Variants in PARG observed in about 807,000 individuals in gnomAD.
The protein encoded by PARG is mitochondrial poly(ADP-ribose) glycohydrolase.
Under a neutral mutation model 113.0 loss-of-function variants are expected in PARG, and 35 were observed. The ratio of observed to expected loss-of-function variants is 0.31; its 90% confidence interval spans 0.24 to 0.41. PARG has a LOEUF of 0.41. PARG is among the 10% of genes least tolerant of loss of function. PARG has a pLI of 1.00. For synonymous variants in PARG, 330 were observed against 409.9 expected (o/e 0.81, Z 2.36); for missense variants, 797 against 1,169.4 (o/e 0.68, Z 4.64).
chr10:49,861,969 A>G (rs1588911575), intron 11 of PARG, among the ~76,000 whole-genome samples: 1 of 152,146 alleles, frequency 6.6e-6, no homozygotes, highest in Non-Finnish European at 1.5e-5. Flanking sequence ...ATTAAGATCT[A>G]TGAAATTTTG....
intron 10 of PARG, chr10:49,867,188 G>A (rs1221036318): frequency 1.3e-5 from 2 of 150,058 alleles, no homozygotes; most frequent in Non-Finnish European, 3.0e-5. Flanking sequence ...GCAGGCCTTT[G>A]TGGACCACAC....
At position 49,905,962 on chromosome 10, in the gene PARG, A is replaced by ATG. The variant is rs1848565412; in HGVS notation, c.1737+9954_1737+9955insCA. ...GACTAGTAAATGGTTCATCAACATGAATATCAACTGAACCGAAGTTGCCCA... is the reference window on the plus strand; with the variant it reads ...GACTAGTAAATGGTTCATCAACATGATGATATCAACTGAACCGAAGTTGCCCA... On this transcript the variant is annotated intron_variant, in intron 7 of 17. Coordinates refer to ENST00000616448, the MANE Select transcript of PARG (RefSeq NM_003631.5). Among the ~76,000 whole-genome samples, 6 of 151,058 alleles carry ATG rather than the reference A, an allele frequency of 4.0e-5. No individual in the cohort carries two copies. In the Admixed American group the frequency reaches 4.0e-4, roughly 10 times the overall value.
rs2664672 is a variant in PARG at position 49,925,955 on chromosome 10, T to C, written c.1456-3286A>G. On this transcript the variant is annotated intron_variant, in intron 4 of 17. Transcript: ENST00000616448. ...GGGGCACAAGAGCCTTTATTCCTGA[T>C]GCAAGTCCTGCCCCTGTACCCTTTC... Among the ~76,000 whole-genome samples, 1,231 of 152,334 alleles carry C rather than the reference T, an allele frequency of 8.1e-3. 13 individuals are homozygous for C. The highest frequency in any genetic ancestry group is 0.037 in the South Asian group (178 of 4,832).
intron 15 of PARG, among the ~76,000 whole-genome samples, chr10:49,836,924 A>C (rs557219038): frequency 6.6e-6 from 1 of 152,168 alleles, no homozygotes; most frequent in African/African-American, 2.4e-5. Flanking sequence ...CTAAAATCCT[A>C]CCTAACATGG....
chr10:49,837,397 TAC>T (rs3048454), intron 15 of PARG, among the ~76,000 whole-genome samples: 42,268 of 147,772 alleles, frequency 0.29, 6,166 homozygotes, highest in Non-Finnish European at 0.31. Flanking sequence ...CATGCATATA[TAC>T]ACACACACAC....
At chr10:49,849,326 T>C (rs1204737478) in intron 13 of PARG, among the ~76,000 whole-genome samples, 3 of 152,086 alleles carry the variant, frequency 2.0e-5, no homozygotes, top group African/African-American at 7.2e-5. Context: ...GAGAAAAAAG[T>C]TGAAGGACCC....
chr10:49,820,395 G>A (rs2132335667), intron 16 of PARG, 102 bp from the exon 17 acceptor site: 2 of 788,732 alleles, frequency 2.5e-6, no homozygotes, highest in East Asian at 5.5e-5. Flanking sequence ...CTAGATTAAA[G>A]ATTTATAAAC....
intron 13 of PARG, among the ~76,000 whole-genome samples, chr10:49,849,094 C>T (rs1186443469): frequency 6.6e-6 from 1 of 152,040 alleles, no homozygotes; most frequent in African/African-American, 2.4e-5. Context: ...ACTAGGGAGG[C>T]TGAGGCAGGA....
intron 16 of PARG, among the ~76,000 whole-genome samples, chr10:49,829,255 T>G (rs1052888382): frequency 1.3e-5 from 2 of 151,830 alleles, no homozygotes; most frequent in Non-Finnish European, 2.9e-5. Context: ...AAAAAAAAAT[T>G]TGCCTTCTTT....
At position 49,933,915 on chromosome 10, in the gene PARG, A is replaced by C. The variant is rs1838617268; in HGVS notation, c.533T>G (p.Val178Gly). The C allele has an allele frequency of 2.5e-6, 4 of 1,605,052 alleles. No individual in the cohort carries two copies. The highest frequency in any genetic ancestry group is 1.7e-5 in the Admixed American group (1 of 59,974). Reference sequence around the variant, plus strand: ...GTTAGCATTACTAAACTGCTCTGGTACCAGGGTTACTGTTTGAGGTTCACT... The same window carrying C: ...GTTAGCATTACTAAACTGCTCTGGTCCCAGGGTTACTGTTTGAGGTTCACT... Reference protein sequence around the residue: ...LESEPQTVTLVPEQFSNANID... With the variant: ...LESEPQTVTLGPEQFSNANID... Residue 178 changes from valine to glycine, a missense_variant, in exon 3 of 18, where the codon GTA becomes GGA. By Grantham distance (109) the Val-to-Gly change is moderately radical. This residue lies in a region of PARG where 284 missense variants were observed against 306.1 expected (regional missense o/e 0.93). Coordinates refer to ENST00000616448, the MANE Select transcript of PARG (RefSeq NM_003631.5).
chr10:49,886,682 T>G (rs1291997294), intron 7 of PARG, among the ~76,000 whole-genome samples: 3 of 152,144 alleles, frequency 2.0e-5, no homozygotes, highest in Non-Finnish European at 4.4e-5. Flanking sequence ...GAAAAAAAAC[T>G]ACTGATGTAA....
intron 13 of PARG, among the ~76,000 whole-genome samples, chr10:49,850,442 T>C (rs1268277383): frequency 2.0e-5 from 3 of 151,930 alleles, no homozygotes; most frequent in Non-Finnish European, 4.4e-5. Flanking sequence ...CACAAAGCCA[T>C]CAGTATTGGT....
chr10:49,904,917 A>AAAATAAATAAATAAAT (rs60426487), intron 7 of PARG, among the ~76,000 whole-genome samples: 260 of 147,912 alleles, frequency 1.8e-3, no homozygotes, highest in African/African-American at 6.2e-3. Context: ...GAACATCTCA[A>AAAATAAATAAATAAAT]AAATAAATAA....
chr10:49,940,090 TATA>T (rs1379354000), intron 1 of PARG, among the ~76,000 whole-genome samples: 14 of 152,328 alleles, frequency 9.2e-5, no homozygotes, highest in Admixed American at 2.6e-4. Flanking sequence ...TAGCATCCAT[TATA>T]ATGTTTATGC....
At chr10:49,912,624 C>T (rs1187535835) in intron 7 of PARG, among the ~76,000 whole-genome samples, 3 of 151,776 alleles carry the variant, frequency 2.0e-5, no homozygotes, top group African/African-American at 7.3e-5. Flanking sequence ...GATTACATCA[C>T]TGCATTCCAG....
intron 12 of PARG, among the ~76,000 whole-genome samples, chr10:49,858,940 C>G (rs1246482508): frequency 6.6e-6 from 1 of 152,054 alleles, no homozygotes; most frequent in African/African-American, 2.4e-5. Flanking sequence ...TGGTTCCTGG[C>G]CTCACGGCAT....
intron 16 of PARG, among the ~76,000 whole-genome samples, chr10:49,821,406 G>A (rs782049280): frequency 2.0e-5 from 3 of 152,110 alleles, no homozygotes; most frequent in Non-Finnish European, 4.4e-5. Flanking sequence ...TTGAGATGGA[G>A]TCTTGCTCTG....
rs538471062 is a variant in PARG, at chr10:49,920,542, A to G, written c.1662+1794T>C. On this transcript the variant is annotated intron_variant, in intron 6 of 17. Transcript: ENST00000616448. Reference sequence around the variant, plus strand: ...TATGTATATACATGTATATATATACACATATATATACATATATACGTATAT... The same window carrying G: ...TATGTATATACATGTATATATATACGCATATATATACATATATACGTATAT... Among the ~76,000 whole-genome samples the G allele has an allele frequency of 7.7e-5, 11 of 142,762 alleles. No homozygotes were observed. The South Asian group carries it at 1.1e-3, about 14-fold the overall frequency. The allele number at this position is 142,762 out of a possible 152,430, so 93.7% of individuals were successfully genotyped here.
intron 8 of PARG, among the ~76,000 whole-genome samples, chr10:49,880,603 G>C (rs1472579677): frequency 1.3e-5 from 2 of 152,050 alleles, no homozygotes; most frequent in Non-Finnish European, 2.9e-5. Flanking sequence ...CAAAAATAAA[G>C]TTCCAAGACC....
Sources: gnomAD v4.1 joint callset for allele counts (sites outside exome capture counted in the v4.1 genomes callset) on GRCh38, gnomAD v4.1.1 for gene constraint, gnomAD v4.1.1 regional missense constraint, MANE v1.5 for transcripts, NCBI Gene and HGNC (gene_info 2026-07-23, HGNC 2026-07-21) for gene names.